DIMT1: variants seen among roughly 807,000 people sequenced by gnomAD.
DIMT1 encodes the protein dimethyladenosine transferase.
Under a neutral mutation model 43.2 loss-of-function variants are expected in DIMT1, and 36 were observed. The ratio of observed to expected loss-of-function variants is 0.83; its 90% confidence interval spans 0.64 to 1.10. The LOEUF (loss-of-function observed/expected upper bound fraction) is 1.10. DIMT1 is among the 50% of genes least tolerant of loss of function. The pLI, the probability that DIMT1 is intolerant of heterozygous loss-of-function variation, is 0.00. For synonymous variants in DIMT1, 126 were observed against 130.3 expected (o/e 0.97, Z 0.22); for missense variants, 341 against 385.3 (o/e 0.88, Z 0.96).
intron 2 of DIMT1, 31 bp downstream of exon 2, chr5:62,403,242 C>T (rs1274122252): frequency 6.3e-7 from 1 of 1,593,628 alleles, no homozygotes. Context: ...AATAAACCAA[C>T]AACTCTCTCC....
Position 62,403,315 on chromosome 5 carries a change from G to A in DIMT1, c.111C>T (p.His37=). The A allele has an allele frequency of 5.0e-6, 8 of 1,613,950 alleles. No individual in the cohort carries two copies. The highest frequency in any genetic ancestry group is 6.8e-6 in the Non-Finnish European group (8 of 1,179,878). Residue 37 remains histidine (H), a synonymous_variant, in exon 2 of 12, where the codon CAC becomes CAT. Transcript: ENST00000199320. ...GLMFNTGIGQ[H]ILKNPLIINS... is the part of the protein sequence containing the mutation. ...TAATAATGAGAGGATTTTTCAAAATGTGCTGCCCAATCCCCGTGTTGAACA... is the reference window on the plus strand; with the variant it reads ...TAATAATGAGAGGATTTTTCAAAATATGCTGCCCAATCCCCGTGTTGAACA...
intron 10 of DIMT1, 195 bp downstream of exon 10, chr5:62,391,976 T>C (rs1268242998): frequency 3.9e-6 from 6 of 1,539,572 alleles, no homozygotes; most frequent in African/African-American, 2.7e-5. Flanking sequence ...GTTGCTCATA[T>C]CTGTTTCACA....
intron 6 of DIMT1, among the ~76,000 whole-genome samples, chr5:62,395,575 T>C (rs1218317192): frequency 1.3e-5 from 2 of 148,770 alleles, no homozygotes; most frequent in Non-Finnish European, 3.0e-5. Context: ...ATATATTCTA[T>C]TCCATGTGAT....
Position 62,387,969 on chromosome 5 carries a change from T to C in DIMT1, c.*1041A>G, listed in dbSNP as rs1429645148. Reference sequence around the variant, plus strand: ...AGCCAAATATCAATAAAGATATTTTTATTAATTTTTTATAGAAACAAAATA... The same window carrying C: ...AGCCAAATATCAATAAAGATATTTTCATTAATTTTTTATAGAAACAAAATA... On this transcript the variant is annotated 3_prime_UTR_variant, in exon 12 of 12. Transcript: ENST00000199320. 1 of 152,154 alleles carries C rather than the reference T, an allele frequency of 6.6e-6. No individual in the cohort carries two copies. The highest frequency in any genetic ancestry group is 1.5e-5 in the Non-Finnish European group (1 of 68,024). 9.4% of individuals were successfully genotyped at this position (152,154 alleles called of 1,614,324 possible).
chr5:62,392,191 G>A lies in DIMT1; in HGVS notation c.772C>T (p.His258Tyr), dbSNP rs1742329375. The A allele has an allele frequency of 1.2e-6, 2 of 1,613,562 alleles. No homozygotes were observed. The highest frequency in any genetic ancestry group is 1.7e-6 in the Non-Finnish European group (2 of 1,179,714). Reference sequence around the variant, plus strand: ...CTTACAATATTATGGACTGAACAGTGAATTCTGTAGTTTTTTTCCAAGAGT... The same window carrying A: ...CTTACAATATTATGGACTGAACAGTAAATTCTGTAGTTTTTTTCCAAGAGT... ...QQLLEKNYRIHCSVHNIIIPE... is the reference protein window; with the variant it reads ...QQLLEKNYRIYCSVHNIIIPE... Residue 258 changes from histidine (H) to tyrosine (Y), a missense_variant, in exon 10 of 12, where the codon CAC becomes TAC. By Grantham distance (83) the His-to-Tyr change is moderately conservative. Transcript: ENST00000199320.
chr5:62,403,840 C>A lies in DIMT1; in HGVS notation c.-68G>T. 4 of 1,529,076 alleles carry A rather than the reference C, an allele frequency of 2.6e-6. No individual in the cohort carries two copies. The highest frequency in any genetic ancestry group is 2.4e-5 in the East Asian group (1 of 42,318). 94.7% of individuals were successfully genotyped at this position (1,529,076 alleles called of 1,614,324 possible). On this transcript the variant is annotated 5_prime_UTR_variant, in exon 1 of 12. Coordinates refer to ENST00000199320, the MANE Select transcript of DIMT1 (RefSeq NM_014473.4). Reference sequence around the variant, plus strand: ...ACCAAAGAGGGCTAGCGTGAGAAAGCCACCACGTGGGGATCGCCGCCACGC... The same window carrying A: ...ACCAAAGAGGGCTAGCGTGAGAAAGACACCACGTGGGGATCGCCGCCACGC...
chr5:62,399,238 A>G (rs1742610024), intron 3 of DIMT1, among the ~76,000 whole-genome samples: 1 of 152,218 alleles, frequency 6.6e-6, no homozygotes, highest in Non-Finnish European at 1.5e-5. Flanking sequence ...AGGCTGAGAC[A>G]GGCAGATCAC....
rs138970333 is a variant in DIMT1, at chr5:62,390,719, C to T, written c.899+157G>A. On this transcript the variant is annotated intron_variant, in intron 11 of 11. Transcript: ENST00000199320. Reference sequence around the variant, plus strand: ...TCATTCTGCTGCAGCTAACTAGCCTCCATCTTCTACACCAAATACTATTCC... The same window carrying T: ...TCATTCTGCTGCAGCTAACTAGCCTTCATCTTCTACACCAAATACTATTCC... Among the ~76,000 whole-genome samples the T allele has an allele frequency of 5.9e-5, 9 of 152,268 alleles. No individual in the cohort carries two copies. The East Asian group carries it at 1.3e-3, about 23-fold the overall frequency.
chr5:62,391,787 C>T, intron 10 of DIMT1: 1 of 1,398,794 alleles, frequency 7.1e-7, no homozygotes, highest in Non-Finnish European at 9.3e-7. Flanking sequence ...TTTGTAACTG[C>T]TATGTGAGCA....
At chr5:62,393,664 AC>A (rs1274824978) in intron 8 of DIMT1, among the ~76,000 whole-genome samples, 1 of 152,176 alleles carries the variant, frequency 6.6e-6, no homozygotes, top group East Asian at 1.9e-4. Context: ...AAAAACAATT[AC>A]AATGAAAAGA....
At position 62,393,999 on chromosome 5, in the gene DIMT1, C is replaced by G. The variant is rs1441606902; in HGVS notation, c.619G>C (p.Val207Leu). ...GGTGGATTCTTAGGTTCTATCCTTA[C>G]AACACTGGATTCCACCTTGGGCGGT... is the stretch of plus-strand genomic sequence containing the variant. ...RPPPKVESSV[V>L]RIEPKNPPPP... Residue 207 changes from valine to leucine, a missense_variant, in exon 8 of 12, where the codon GTA becomes CTA. Val to Leu is a conservative substitution (Grantham distance 32). Coordinates refer to ENST00000199320, the MANE Select transcript of DIMT1 (RefSeq NM_014473.4). 6.2e-7 allele frequency: 1 copy of G among 1,612,548 alleles called. No individual in the cohort carries two copies. Among genetic ancestry groups the G allele is most frequent in the Non-Finnish European group, 8.5e-7 (1 of 1,179,596 alleles).
chr5:62,393,987 G>C lies in DIMT1; in HGVS notation c.631C>G (p.Pro211Ala). 6.2e-7 allele frequency: 1 copy of C among 1,611,108 alleles called. No homozygotes were observed. Residue 211 changes from proline (P) to alanine (A), a missense_variant, in exon 8 of 12, where the codon CCT becomes GCT. Transcript: ENST00000199320. ...KVESSVVRIE[P>A]KNPPPPINFQ... ...TTGATGGGTGGTGGTGGATTCTTAG[G>C]TTCTATCCTTACAACACTGGATTCC...
At chr5:62,401,375 A>G (rs246198) in intron 3 of DIMT1, among the ~76,000 whole-genome samples, 16,092 of 150,210 alleles carry the variant, frequency 0.11, 1,017 homozygotes, top group African/African-American at 0.17. Context: ...GGTGCCTATA[A>G]TCTCAGCTAC....
At chr5:62,399,283 A>G (rs1398116562) in intron 3 of DIMT1, among the ~76,000 whole-genome samples, 4 of 152,232 alleles carry the variant, frequency 2.6e-5, no homozygotes, top group African/African-American at 4.8e-5. Context: ...CCTGGCCAAC[A>G]TGGCGAAACC....
chr5:62,391,614 C>G, intron 10 of DIMT1: 1 of 875,548 alleles, frequency 1.1e-6, no homozygotes, highest in Non-Finnish European at 1.4e-6. Context: ...GAAAATTGGC[C>G]TTTCTCTCTC....
At chr5:62,395,796 G>A (rs903857807) in intron 6 of DIMT1, among the ~76,000 whole-genome samples, 5 of 152,040 alleles carry the variant, frequency 3.3e-5, no homozygotes, top group Non-Finnish European at 5.9e-5. Flanking sequence ...TTGAGCTCAG[G>A]AGTTCAAGAC....
chr5:62,394,114 A>G, intron 7 of DIMT1, 67 bp from the exon 8 acceptor site: 3 of 1,407,014 alleles, frequency 2.1e-6, no homozygotes, highest in South Asian at 1.2e-5. Context: ...CAGATATGCT[A>G]TCCTCACAGA....
intron 2 of DIMT1, 76 bp downstream of exon 2, chr5:62,403,197 A>C (rs1742770291): frequency 6.1e-6 from 8 of 1,321,164 alleles, no homozygotes; most frequent in Non-Finnish European, 7.6e-6. Flanking sequence ...CGGCAGGCAG[A>C]CTTTCTGCGC....
chr5:62,396,570 C>G (rs893101462), intron 6 of DIMT1, among the ~76,000 whole-genome samples: 2 of 152,092 alleles, frequency 1.3e-5, no homozygotes, highest in Admixed American at 6.6e-5. Context: ...AACCATTTCC[C>G]ATTGAAACTC....
Sources: gnomAD v4.1 joint callset for allele counts (sites outside exome capture counted in the v4.1 genomes callset) on GRCh38, gnomAD v4.1.1 for gene constraint, MANE v1.5 for transcripts, NCBI Gene and HGNC (gene_info 2026-07-23, HGNC 2026-07-21) for gene names.